SH3KBP1: variants seen among roughly 807,000 people sequenced by gnomAD.
SH3KBP1 encodes the protein SH3 domain-containing kinase-binding protein 1.
A neutral mutation model predicts 50.1 loss-of-function variants in SH3KBP1; 8 were observed. That is an observed-to-expected ratio of 0.16 (90% CI 0.09 to 0.29). The LOEUF (loss-of-function observed/expected upper bound fraction) is 0.29, where lower values mean the gene tolerates loss of function less well. Ranked by LOEUF, SH3KBP1 falls within the 10% of genes least tolerant of loss-of-function variation. The pLI is 1.00. For missense variants in SH3KBP1, 377 were observed against 535.2 expected, an observed-to-expected ratio of 0.70 and a Z score of 2.92; for synonymous variants, 227 against 218.6, an observed-to-expected ratio of 1.04 and a Z score of -0.34.
At chrX:19,696,978 A>G (rs1906703431) in intron 4 of SH3KBP1, among the ~76,000 whole-genome samples, 1 of 111,807 alleles carries the variant, frequency 8.9e-6, no homozygotes, top group Admixed American at 9.5e-5. Flanking sequence ...TACTTCTATA[A>G]TGCTGGGCAG....
intron 3 of SH3KBP1, among the ~76,000 whole-genome samples, chrX:19,729,708 T>C (rs1364286216): frequency 9.0e-6 from 1 of 110,579 alleles, no homozygotes; most frequent in African/African-American, 3.3e-5. Flanking sequence ...GGGATGGTCC[T>C]TAGAAAGTAT....
intron 12 of SH3KBP1, among the ~76,000 whole-genome samples, chrX:19,577,424 G>T (rs1161095037): frequency 1.8e-5 from 2 of 111,559 alleles, no homozygotes; most frequent in Non-Finnish European, 3.8e-5. Flanking sequence ...TGCCAGCTAA[G>T]TAAATTACCT....
intron 2 of SH3KBP1, among the ~76,000 whole-genome samples, chrX:19,750,804 G>A (rs1318036690): frequency 2.7e-5 from 3 of 109,807 alleles, no homozygotes; most frequent in Non-Finnish European, 5.7e-5. Context: ...TTTTTCACTT[G>A]TTCCTAACAA....
chrX:19,796,825 C>G (rs2066729135), intron 2 of SH3KBP1, among the ~76,000 whole-genome samples: 1 of 112,175 alleles, frequency 8.9e-6, no homozygotes, highest in Admixed American at 9.4e-5. Context: ...CAGGGGCTGG[C>G]CAAGACAGAG....
At chrX:19,564,585 T>C (rs757884258) in intron 13 of SH3KBP1, among the ~76,000 whole-genome samples, 1 of 106,964 alleles carries the variant, frequency 9.3e-6, no homozygotes, top group African/African-American at 3.4e-5. Flanking sequence ...CCCTTCCTCT[T>C]TCTCTCTCAC....
At chrX:19,886,692 G>A (rs991761789) in intron 1 of SH3KBP1, among the ~76,000 whole-genome samples, 6 of 111,464 alleles carry the variant, frequency 5.4e-5, no homozygotes, top group Non-Finnish European at 1.1e-4. Flanking sequence ...GCTGGAGGAA[G>A]GCAGCAGCGA....
Position 19,562,198 on chromosome X carries a change from C to T in SH3KBP1, c.1384+6905G>A, listed in dbSNP as rs368038930. 2.1e-3 allele frequency among the ~76,000 whole-genome samples: 231 copies of T among 111,731 alleles called. 1 individual carries two copies. The highest frequency in any genetic ancestry group is 7.0e-3 in the African/African-American group (214 of 30,710). ...CAGAACAAAATACTTAATAAAATGT[C>T]GTGTGTCCATAATGCTTTTAATGTG... On this transcript the variant is annotated intron_variant, in intron 13 of 17. Transcript: ENST00000397821.
At chrX:19,695,902 G>T (rs770857031) in intron 4 of SH3KBP1, among the ~76,000 whole-genome samples, 161 bp from the exon 5 acceptor site, 1 of 111,189 alleles carries the variant, frequency 9.0e-6, no homozygotes, top group Non-Finnish European at 1.9e-5. Flanking sequence ...ACCACATAGA[G>T]CCTTGAGATT....
intron 2 of SH3KBP1, among the ~76,000 whole-genome samples, chrX:19,835,732 C>G (rs1348561837): frequency 9.1e-6 from 1 of 109,585 alleles, no homozygotes; most frequent in Non-Finnish European, 1.9e-5. Context: ...GCACATGCCA[C>G]CACACCTGGC....
chrX:19,867,506 G>A (rs1409884285), intron 1 of SH3KBP1, among the ~76,000 whole-genome samples: 1 of 112,185 alleles, frequency 8.9e-6, no homozygotes, highest in African/African-American at 3.2e-5. Flanking sequence ...TGCAACTGCA[G>A]TGTGTATGAA....
chrX:19,558,402 A>AT (rs2065558178), intron 13 of SH3KBP1, among the ~76,000 whole-genome samples: 1 of 112,498 alleles, frequency 8.9e-6, no homozygotes, highest in South Asian at 3.6e-4. Flanking sequence ...CTCACAAAGG[A>AT]TGTAATTTCT....
At chrX:19,750,435 G>A (rs2065033338) in intron 2 of SH3KBP1, among the ~76,000 whole-genome samples, 1 of 112,016 alleles carries the variant, frequency 8.9e-6, no homozygotes, top group Non-Finnish European at 1.9e-5. Flanking sequence ...TTTAGCCTCT[G>A]CAAAATGGAC....
intron 2 of SH3KBP1, among the ~76,000 whole-genome samples, chrX:19,796,526 T>A (rs1195120980): frequency 9.0e-6 from 1 of 111,640 alleles, no homozygotes; most frequent in Non-Finnish European, 1.9e-5. Context: ...AGTGCCAAGG[T>A]CGAGACCTCA....
intron 6 of SH3KBP1, among the ~76,000 whole-genome samples, chrX:19,658,879 G>C (rs1285815026): frequency 1.8e-5 from 2 of 110,288 alleles, no homozygotes; most frequent in Non-Finnish European, 3.8e-5. Flanking sequence ...TTTATATTTT[G>C]TTTTTATTAG....
At chrX:19,582,847 T>C (rs1366057982) in intron 12 of SH3KBP1, among the ~76,000 whole-genome samples, 1 of 111,638 alleles carries the variant, frequency 9.0e-6, no homozygotes, top group Non-Finnish European at 1.9e-5. Flanking sequence ...TGCCTTGGGA[T>C]GTCTGAGTTT....
At chrX:19,855,257 T>C (rs1221283598) in intron 1 of SH3KBP1, among the ~76,000 whole-genome samples, 1 of 111,863 alleles carries the variant, frequency 8.9e-6, no homozygotes, top group Non-Finnish European at 1.9e-5. Context: ...GTGCTGGGAT[T>C]ACAGGCATAA....
At chrX:19,782,697 G>A (rs1024613031) in intron 2 of SH3KBP1, among the ~76,000 whole-genome samples, 3 of 111,980 alleles carry the variant, frequency 2.7e-5, no homozygotes, top group South Asian at 3.7e-4. Context: ...CTCTGTCACC[G>A]CTCTGACAGT....
At chrX:19,849,226 C>G (rs989042540) in intron 1 of SH3KBP1, among the ~76,000 whole-genome samples, 2 of 111,293 alleles carry the variant, frequency 1.8e-5, no homozygotes, top group African/African-American at 6.5e-5. Flanking sequence ...CAGATCAAGC[C>G]TCTGGATTTA....
rs141776955 is a variant in SH3KBP1 at position 19,813,234 on chromosome X, T to C, written c.162+22891A>G. Among the ~76,000 whole-genome samples the C allele has an allele frequency of 5.2e-3, 581 of 110,822 alleles. 4 individuals are homozygous for C. Among genetic ancestry groups the C allele is most frequent in the African/African-American group, 0.018 (547 of 30,451 alleles). ...CTTTGGAATCTGCCTCAGCTTTCTT[T>C]CTAGCAGAGGCCATGCTCTCGCTGA... On this transcript the variant is annotated intron_variant, in intron 2 of 17. Transcript: ENST00000397821.
Sources: allele counts gnomAD v4.1 joint callset (sites outside exome capture counted in the v4.1 genomes callset), GRCh38; gene constraint gnomAD v4.1.1; transcripts MANE v1.5; gene names NCBI Gene and HGNC (gene_info 2026-07-23, HGNC 2026-07-21).